The following WDR89 variants were observed in gnomAD, a reference collection of about 807,000 sequenced individuals.
WDR89 encodes WD repeat domain 89.
Under a neutral mutation model 29.1 loss-of-function variants are expected in WDR89, and 17 were observed. The ratio of observed to expected loss-of-function variants is 0.58; its 90% CI spans 0.40 to 0.88. The LOEUF is 0.88. Ranked by LOEUF, WDR89 falls within the 40% of genes least tolerant of loss-of-function variation. The pLI, the probability that WDR89 is intolerant of heterozygous loss-of-function variation, is 0.00. For missense variants in WDR89, 396 were observed against 456.3 expected, an observed-to-expected ratio of 0.87 and a Z score of 1.20; for synonymous variants, 138 against 157.8, an observed-to-expected ratio of 0.87 and a Z score of 0.94.
intron 2 of WDR89, among the ~76,000 whole-genome samples, chr14:63,612,678 A>ATGCCTAGC (rs1169441104): frequency 5.9e-5 from 9 of 152,130 alleles, no homozygotes; most frequent in African/African-American, 2.2e-4. Context: ...AAGAGCCACC[A>ATGCCTAGC]TGCCTAGCCA....
chr14:63,640,146 G>A (rs934382319), intron 1 of WDR89, among the ~76,000 whole-genome samples: 20 of 152,156 alleles, frequency 1.3e-4, no homozygotes, highest in African/African-American at 4.8e-4. Flanking sequence ...GTCCATAGAC[G>A]TTTCAGAGGA....
intron 2 of WDR89, among the ~76,000 whole-genome samples, chr14:63,611,101 G>A (rs556711742): frequency 6.6e-6 from 1 of 152,138 alleles, no homozygotes; most frequent in African/African-American, 2.4e-5. Flanking sequence ...CACTCGGGGA[G>A]GCTGAGACAG....
At position 63,599,534 on chromosome 14, in the gene WDR89, C is replaced by G; in HGVS notation, c.409G>C (p.Val137Leu). The change falls in exon 3 of 3, where the codon GTT becomes CTT. Residue 137 changes from valine (V) to leucine (L), a missense_variant. Physicochemically the swap from Val to Leu is conservative, Grantham distance 32 (BLOSUM62 1). Coordinates refer to ENST00000620954, the MANE Select transcript of WDR89 (RefSeq NM_080666.4). ...DHIICAGTEKVDDDALLVFWD... is the reference protein window; with the variant it reads ...DHIICAGTEKLDDDALLVFWD... ...AACACCAACAATGCATCATCATCAA[C>G]TTTTTCTGTACCAGCACAAATAATA... 6.2e-7 allele frequency: 1 copy of G among 1,613,912 alleles called. No homozygotes were observed. Among genetic ancestry groups the G allele is most frequent in the South Asian group, 1.1e-5 (1 of 91,062 alleles).
At chr14:63,625,907 GCA>G (rs1883008168) in intron 1 of WDR89, among the ~76,000 whole-genome samples, 1 of 150,972 alleles carries the variant, frequency 6.6e-6, no homozygotes, top group Non-Finnish European at 1.5e-5. Flanking sequence ...AGGCTCGAGA[GCA>G]GCAGCGTGAT....
intron 2 of WDR89, among the ~76,000 whole-genome samples, chr14:63,617,364 C>T (rs1882386752): frequency 6.6e-6 from 1 of 151,876 alleles, no homozygotes; most frequent in South Asian, 2.1e-4. Flanking sequence ...TATGGGAATG[C>T]GCCACTGTGC....
chr14:63,630,369 G>A lies in WDR89; in HGVS notation c.-137-5336C>T, dbSNP rs528890624. Among the ~76,000 whole-genome samples, 17 of 151,582 alleles carry A rather than the reference G, an allele frequency of 1.1e-4. No individual in the cohort carries two copies. In the South Asian group the frequency reaches 2.3e-3, roughly 20 times the overall value. On this transcript the variant is annotated intron_variant, in intron 1 of 2. Transcript: ENST00000620954. Reference sequence around the variant, plus strand: ...AAAAAGTCCAGACAAGGGGCTGGGCGCGGTAGCTCACGCCTGTAATCACAG... The same window carrying A: ...AAAAAGTCCAGACAAGGGGCTGGGCACGGTAGCTCACGCCTGTAATCACAG...
At chr14:63,630,741 A>G (rs1259256936) in intron 1 of WDR89, 1 of 151,882 alleles carries the variant, frequency 6.6e-6, no homozygotes, top group African/African-American at 2.4e-5. Flanking sequence ...TGGCCCTTGC[A>G]CACGGATGAC....
At chr14:63,610,237 A>AAAAC (rs1881874391) in intron 2 of WDR89, among the ~76,000 whole-genome samples, 1 of 151,284 alleles carries the variant, frequency 6.6e-6, no homozygotes, top group African/African-American at 2.4e-5. Context: ...AAAAAAAAAA[A>AAAAC]AAAAAAACTC....
At chr14:63,617,043 G>C (rs551403049) in intron 2 of WDR89, among the ~76,000 whole-genome samples, 1 of 143,892 alleles carries the variant, frequency 6.9e-6, no homozygotes, top group East Asian at 2.0e-4. Flanking sequence ...AGGTAAATAT[G>C]TTGTTGGTAT....
chr14:63,605,812 G>C (rs2139501163), intron 2 of WDR89, among the ~76,000 whole-genome samples: 1 of 152,194 alleles, frequency 6.6e-6, no homozygotes, highest in East Asian at 1.9e-4. Flanking sequence ...CTTATTGAAA[G>C]GAAGTTAACT....
At chr14:63,631,366 C>CTATT (rs1159544416) in intron 1 of WDR89, among the ~76,000 whole-genome samples, 4 of 151,800 alleles carry the variant, frequency 2.6e-5, no homozygotes, top group South Asian at 2.1e-4. Context: ...TATAGTTTGA[C>CTATT]TATTTATTTA....
rs1197227518 is a variant in WDR89 at position 63,597,210 on chromosome 14, G to C, written c.*1569C>G. ...GGCAGAGCCCTTTATAAAACCATCA[G>C]ATCTTGTGAGAACTCACCCACTATC... On this transcript the variant is annotated 3_prime_UTR_variant, in exon 3 of 3. Coordinates refer to ENST00000620954, the MANE Select transcript of WDR89 (RefSeq NM_080666.4). The C allele has an allele frequency of 6.6e-6, 1 of 152,172 alleles. No individual in the cohort carries two copies. The highest frequency in any genetic ancestry group is 2.4e-5 in the African/African-American group (1 of 41,434). 9.4% of individuals were successfully genotyped at this position (152,172 alleles called of 1,614,324 possible). A position where few individuals can be genotyped will look rare whatever the true frequency, so the allele number is the denominator to read the frequency against.
intron 2 of WDR89, among the ~76,000 whole-genome samples, chr14:63,615,392 CAT>C (rs1395935915): frequency 6.6e-6 from 1 of 152,160 alleles, no homozygotes; most frequent in Non-Finnish European, 1.5e-5. Flanking sequence ...ATTGGTACTA[CAT>C]GTTTACTATT....
At chr14:63,629,979 G>A (rs867684985) in intron 1 of WDR89, among the ~76,000 whole-genome samples, 6 of 151,742 alleles carry the variant, frequency 4.0e-5, no homozygotes, top group South Asian at 2.1e-4. Context: ...ATGGAGTCTC[G>A]CCTTGTCACC....
chr14:63,607,650 G>A (rs1039175271), intron 2 of WDR89, among the ~76,000 whole-genome samples: 1 of 151,972 alleles, frequency 6.6e-6, no homozygotes, highest in Non-Finnish European at 1.5e-5. Context: ...GGGAGGCCGA[G>A]GCAGGCAGAT....
intron 2 of WDR89, among the ~76,000 whole-genome samples, chr14:63,608,665 T>C (rs1311760883): frequency 1.6e-5 from 2 of 124,126 alleles, no homozygotes; most frequent in African/African-American, 4.0e-5. Flanking sequence ...GTGTGGTGCA[T>C]GCACACACAC....
At chr14:63,601,771 T>C in intron 2 of WDR89, 1 of 1,290,212 alleles carries the variant, frequency 7.8e-7, no homozygotes, top group Non-Finnish European at 1.1e-6. Flanking sequence ...AAGGATTATT[T>C]CCTATTTAGA....
chr14:63,603,284 A>ACC (rs923199781), intron 2 of WDR89, among the ~76,000 whole-genome samples: 5 of 151,468 alleles, frequency 3.3e-5, no homozygotes, highest in African/African-American at 9.7e-5. Flanking sequence ...ACACACACAC[A>ACC]CCCCACTGCT....
chr14:63,631,544 A>AT (rs1883406046), intron 1 of WDR89, among the ~76,000 whole-genome samples: 2 of 151,550 alleles, frequency 1.3e-5, no homozygotes, highest in African/African-American at 2.4e-5. Context: ...TAAAAAAAAA[A>AT]ATTTTTTTTT....
Sources: gnomAD v4.1 joint callset for allele counts (sites outside exome capture counted in the v4.1 genomes callset) on GRCh38, gnomAD v4.1.1 for gene constraint, MANE v1.5 for transcripts, NCBI Gene and HGNC (gene_info 2026-07-23, HGNC 2026-07-21) for gene names.